The following CADPS variants were observed in gnomAD, a reference collection of about 807,000 sequenced individuals.
The protein encoded by CADPS is calcium dependent secretion activator, also known as calcium-dependent secretion activator 1.
A neutral mutation model predicts 167.3 loss-of-function variants in CADPS; 57 were observed. The ratio of observed to expected loss-of-function variants is 0.34; its 90% CI spans 0.28 to 0.42. CADPS has a LOEUF of 0.42. Ranked by LOEUF, CADPS falls within the 20% of genes least tolerant of loss-of-function variation. The pLI, the probability that CADPS is intolerant of heterozygous loss-of-function variation, is 1.00. For missense variants in CADPS, 1,414 were observed against 1,738.1 expected (o/e 0.81, Z 3.32); for synonymous variants, 676 against 635.3 (o/e 1.06, Z -0.96).
Position 62,626,370 on chromosome 3 carries a change from T to A in CADPS, c.1325+19352A>T, listed in dbSNP as rs192149600. 5.9e-6 allele frequency: 3 copies of A among 509,506 alleles called. No homozygotes were observed. The East Asian group carries it at 9.4e-5, about 16-fold the overall frequency. 31.6% of individuals were successfully genotyped at this position (509,506 alleles called of 1,614,324 possible). ...ACTAAACAGAAAAGAAACCATGGAA[T>A]GCTCTAGGAAAAACACCCAAAAGGA... On this transcript the variant is annotated intron_variant, in intron 6 of 29. Transcript: ENST00000383710.
At chr3:62,681,936 C>T (rs564858084) in intron 3 of CADPS, among the ~76,000 whole-genome samples, 1 of 152,118 alleles carries the variant, frequency 6.6e-6, no homozygotes, top group Non-Finnish European at 1.5e-5. Flanking sequence ...TTTTGTTCTC[C>T]AGAGGACCTC....
At chr3:62,737,137 A>G (rs2079134649) in intron 3 of CADPS, among the ~76,000 whole-genome samples, 1 of 151,280 alleles carries the variant, frequency 6.6e-6, no homozygotes, top group East Asian at 2.0e-4. Context: ...GACTCCATCT[A>G]AAAAAATAAA....
intron 3 of CADPS, among the ~76,000 whole-genome samples, chr3:62,710,118 A>G (rs1398639820): frequency 2.0e-5 from 3 of 152,118 alleles, no homozygotes; most frequent in Non-Finnish European, 4.4e-5. Context: ...TTATTACTTT[A>G]TTCCGTTAAT....
intron 3 of CADPS, among the ~76,000 whole-genome samples, chr3:62,681,849 C>T (rs1580327327): frequency 2.6e-5 from 4 of 152,174 alleles, no homozygotes; most frequent in South Asian, 2.1e-4. Context: ...TTCAGACTGA[C>T]TTCTGTAACA....
intron 24 of CADPS, among the ~76,000 whole-genome samples, chr3:62,467,144 G>A (rs888964890): frequency 2.0e-5 from 3 of 152,092 alleles, no homozygotes; most frequent in African/African-American, 4.8e-5. Context: ...GTAAATGCCA[G>A]GGAAAAAGGA....
intron 28 of CADPS, among the ~76,000 whole-genome samples, chr3:62,428,398 A>T (rs2053219223): frequency 7.0e-6 from 1 of 143,518 alleles, no homozygotes; most frequent in Non-Finnish European, 1.5e-5. Flanking sequence ...CCAAAGTGGG[A>T]AGCTGTATTG....
intron 1 of CADPS, among the ~76,000 whole-genome samples, chr3:62,846,710 T>C (rs546622021): frequency 1.3e-5 from 2 of 152,142 alleles, no homozygotes; most frequent in South Asian, 4.1e-4. Flanking sequence ...CTGTGTCACC[T>C]AGGAGTGCAG....
At chr3:62,755,906 T>G (rs940577564) in intron 2 of CADPS, among the ~76,000 whole-genome samples, 1 of 152,164 alleles carries the variant, frequency 6.6e-6, no homozygotes, top group African/African-American at 2.4e-5. Flanking sequence ...ACCAGTGTTT[T>G]GAGGCTAGTG....
intron 12 of CADPS, among the ~76,000 whole-genome samples, chr3:62,534,200 A>G (rs974481454): frequency 2.6e-5 from 4 of 152,188 alleles, no homozygotes; most frequent in African/African-American, 9.7e-5. Flanking sequence ...GGCTATTTTA[A>G]ATATAAACTT....
At chr3:62,773,553 T>A (rs2089479795) in intron 1 of CADPS, among the ~76,000 whole-genome samples, 1 of 152,152 alleles carries the variant, frequency 6.6e-6, no homozygotes, top group Non-Finnish European at 1.5e-5. Flanking sequence ...AAATAATAAT[T>A]CAATTATTTA....
intron 4 of CADPS, among the ~76,000 whole-genome samples, chr3:62,661,654 A>G (rs1490015637): frequency 6.6e-6 from 1 of 152,120 alleles, no homozygotes; most frequent in Non-Finnish European, 1.5e-5. Context: ...ATGTTTGTAT[A>G]TGAGTTTTAT....
intron 6 of CADPS, among the ~76,000 whole-genome samples, chr3:62,593,758 T>C (rs2086611475): frequency 6.6e-6 from 1 of 152,252 alleles, no homozygotes; most frequent in Non-Finnish European, 1.5e-5. Flanking sequence ...CCACTGTCCT[T>C]TGATCTCCCA....
chr3:62,833,483 C>T lies in CADPS; in HGVS notation c.441+41106G>A, dbSNP rs537494964. Among the ~76,000 whole-genome samples, 15 of 151,896 alleles carry T rather than the reference C, an allele frequency of 9.9e-5. 1 individual carries two copies. In the South Asian group the frequency reaches 1.5e-3, roughly 15 times the overall value. On this transcript the variant is annotated intron_variant, in intron 1 of 29. Transcript: ENST00000383710. Reference sequence around the variant, plus strand: ...GAGGGAGGAGGATGAAGCTGAGGCACGGCCAGCTTATTCTTAGATTTTTAA... The same window carrying T: ...GAGGGAGGAGGATGAAGCTGAGGCATGGCCAGCTTATTCTTAGATTTTTAA...
At chr3:62,719,107 G>C (rs1359199277) in intron 3 of CADPS, among the ~76,000 whole-genome samples, 1 of 152,162 alleles carries the variant, frequency 6.6e-6, no homozygotes, top group Non-Finnish European at 1.5e-5. Flanking sequence ...TCCCTCAAAG[G>C]CTTCAGATCA....
At chr3:62,831,164 A>G (rs1480980061) in intron 1 of CADPS, among the ~76,000 whole-genome samples, 1 of 152,198 alleles carries the variant, frequency 6.6e-6, no homozygotes, top group Non-Finnish European at 1.5e-5. Flanking sequence ...TAAGTATTAT[A>G]ATAGCTAACA....
intron 6 of CADPS, among the ~76,000 whole-genome samples, chr3:62,640,439 G>A (rs567482733): frequency 1.3e-5 from 2 of 152,198 alleles, no homozygotes; most frequent in South Asian, 4.2e-4. Context: ...CTACCATTAG[G>A]ATGAGTAATA....
At chr3:62,752,387 T>C (rs2152410627) in intron 3 of CADPS, among the ~76,000 whole-genome samples, 1 of 152,352 alleles carries the variant, frequency 6.6e-6, no homozygotes, top group South Asian at 2.1e-4. Flanking sequence ...AGCAATATCT[T>C]TGAATGTGAT....
chr3:62,629,652 G>A (rs1203919751), intron 6 of CADPS, among the ~76,000 whole-genome samples: 1 of 152,140 alleles, frequency 6.6e-6, no homozygotes. Context: ...TCCTGTTACA[G>A]TTAAAACGGA....
intron 24 of CADPS, among the ~76,000 whole-genome samples, chr3:62,473,422 A>G (rs2060866848): frequency 6.6e-6 from 1 of 152,234 alleles, no homozygotes; most frequent in Admixed American, 6.5e-5. Context: ...CTGATTTAGG[A>G]GCAATTTATG....
Sources: gnomAD v4.1 joint callset for allele counts (sites outside exome capture counted in the v4.1 genomes callset) on GRCh38, gnomAD v4.1.1 for gene constraint, MANE v1.5 for transcripts, NCBI Gene and HGNC (gene_info 2026-07-23, HGNC 2026-07-21) for gene names.